The following PDSS2 variants were observed in gnomAD, a reference collection of about 807,000 sequenced individuals.
PDSS2 encodes decaprenyl diphosphate synthase subunit 2.
PDSS2 carries 31 observed loss-of-function variants against 44.5 expected under a neutral mutation model. The observed-to-expected ratio is 0.70, with a 90% CI of 0.52 to 0.94. The LOEUF (loss-of-function observed/expected upper bound fraction) is 0.94, where lower values mean the gene tolerates loss of function less well. PDSS2 is among the 40% of genes least tolerant of loss of function. The pLI, the probability that PDSS2 is intolerant of heterozygous loss-of-function variation, is 0.00. For missense variants in PDSS2, 452 were observed against 482.2 expected (o/e 0.94, Z 0.59); for synonymous variants, 157 against 180.3 (o/e 0.87, Z 1.03).
At position 107,319,007 on chromosome 6, in the gene PDSS2, T is replaced by TACAC. The variant is rs139943860; in HGVS notation, c.431+15187_431+15190dup. Among the ~76,000 whole-genome samples, 393 of 147,514 alleles carry TACAC rather than the reference T, an allele frequency of 2.7e-3. 2 individuals are homozygous for TACAC. Among genetic ancestry groups the TACAC allele is most frequent in the East Asian group, 0.01 (51 of 4,996 alleles). On this transcript the variant is annotated intron_variant, in intron 2 of 7. Transcript: ENST00000369037. ...TGTTAAAAAAGAAAATATATATATA[T>TACAC]ACACACACACACACACACATACACA...
intron 7 of PDSS2, among the ~76,000 whole-genome samples, chr6:107,177,058 A>G (rs1771815459): frequency 6.6e-6 from 1 of 151,918 alleles, no homozygotes; most frequent in African/African-American, 2.4e-5. Flanking sequence ...TAAATGAGAC[A>G]AAATGGACGA....
At position 107,459,190 on chromosome 6, in the gene PDSS2, G is replaced by A. The variant is rs774816904; in HGVS notation, c.96C>T (p.Ile32=). Residue 32 remains isoleucine, a synonymous_variant, in exon 1 of 8, where the codon ATC becomes ATT. Coordinates refer to ENST00000369037, the MANE Select transcript of PDSS2 (RefSeq NM_020381.4). This position sits in a 1 kb window ranked among gnomAD's most constrained non-coding sequence, Gnocchi z 4.3. ...RLWWSPSLDT[I]SSVGSWRGRS... is the part of the protein sequence containing the mutation. ...GACCACGCCAAGAGCCCACCGAGGAGATGGTGTCGAGGGACGGGGACCACC... is the reference window on the plus strand; with the variant it reads ...GACCACGCCAAGAGCCCACCGAGGAAATGGTGTCGAGGGACGGGGACCACC... The A allele has an allele frequency of 2.5e-6, 4 of 1,614,134 alleles. No homozygotes were observed. The South Asian group carries it at 4.4e-5, about 18-fold the overall frequency.
chr6:107,458,809 C>T (rs1413548444), intron 1 of PDSS2, among the ~76,000 whole-genome samples, 181 bp downstream of exon 1: 1 of 151,974 alleles, frequency 6.6e-6, no homozygotes, highest in Non-Finnish European at 1.5e-5. Context: ...CTCAGCTGAG[C>T]AAGAACGTTA....
At chr6:107,391,670 T>C (rs982715321) in intron 1 of PDSS2, among the ~76,000 whole-genome samples, 1 of 152,144 alleles carries the variant, frequency 6.6e-6, no homozygotes, top group African/African-American at 2.4e-5. Context: ...CAAACTAGAA[T>C]TACTGCCAAA....
At chr6:107,207,982 T>TTTTTTTTG (rs1773050683) in intron 6 of PDSS2, among the ~76,000 whole-genome samples, 1 of 96,504 alleles carries the variant, frequency 1.0e-5, no homozygotes, top group Non-Finnish European at 2.5e-5. Context: ...TGACTTGTTT[T>TTTTTTTTG]TTTTTTTTTT....
intron 4 of PDSS2, among the ~76,000 whole-genome samples, chr6:107,245,224 C>T (rs12206137): frequency 1.3e-5 from 2 of 152,100 alleles, no homozygotes; most frequent in African/African-American, 4.8e-5. Context: ...GCTCAGCTGC[C>T]TCAGCACGAG....
intron 1 of PDSS2, among the ~76,000 whole-genome samples, chr6:107,349,896 A>G (rs1421784360): frequency 6.6e-6 from 1 of 152,262 alleles, no homozygotes; most frequent in African/African-American, 2.4e-5. Context: ...AATGTCCTTT[A>G]TAACAAAAGG....
chr6:107,388,854 T>G (rs1014402838), intron 1 of PDSS2, among the ~76,000 whole-genome samples: 10 of 152,198 alleles, frequency 6.6e-5, no homozygotes, highest in Non-Finnish European at 1.2e-4. Context: ...TTGTGGTATA[T>G]CCATACAATG....
At chr6:107,200,813 C>T (rs1039325609) in intron 6 of PDSS2, among the ~76,000 whole-genome samples, 4 of 151,876 alleles carry the variant, frequency 2.6e-5, no homozygotes, top group African/African-American at 7.3e-5. Flanking sequence ...ATTATAGGTG[C>T]CCACCACCAT....
In PDSS2 at chr6:107,257,547, T is replaced by G. The variant is rs75261400; in HGVS notation, c.631-11928A>C. Among the ~76,000 whole-genome samples, 1,064 of 152,044 alleles carry G rather than the reference T, an allele frequency of 7.0e-3. 13 individuals are homozygous for G. The highest frequency in any genetic ancestry group is 0.024 in the African/African-American group (1,008 of 41,462). On this transcript the variant is annotated intron_variant, in intron 3 of 7. Transcript: ENST00000369037. The stretch of plus-strand genomic sequence containing the variant: ...GTGAGACTCTGTCTCATTAAAATAA[T>G]AATACAAATAAATAATAATAATGGA...
chr6:107,453,271 T>A (rs1562551761), intron 1 of PDSS2, among the ~76,000 whole-genome samples: 1 of 152,150 alleles, frequency 6.6e-6, no homozygotes, highest in Non-Finnish European at 1.5e-5. Flanking sequence ...GGCCGTGATA[T>A]TATCCTATGT....
intron 1 of PDSS2, among the ~76,000 whole-genome samples, chr6:107,389,302 A>C (rs1450676189): frequency 1.3e-5 from 2 of 152,200 alleles, no homozygotes; most frequent in African/African-American, 4.8e-5. Context: ...AACTATTATA[A>C]ATGTATGACA....
chr6:107,284,538 G>A lies in PDSS2; in HGVS notation c.432-10311C>T, dbSNP rs111917940. ...TAGCCTGGCGTGGTGGCAGGCGCCTGTAATCCCAGCTACTCAGGAGGCTGA... is the reference window on the plus strand; with the variant it reads ...TAGCCTGGCGTGGTGGCAGGCGCCTATAATCCCAGCTACTCAGGAGGCTGA... On this transcript the variant is annotated intron_variant, in intron 2 of 7. Coordinates refer to ENST00000369037, the MANE Select transcript of PDSS2 (RefSeq NM_020381.4). Among the ~76,000 whole-genome samples, 5 of 151,816 alleles carry A rather than the reference G, an allele frequency of 3.3e-5. No homozygotes were observed. In the East Asian group the frequency reaches 5.8e-4, roughly 18 times the overall value.
intron 7 of PDSS2, among the ~76,000 whole-genome samples, chr6:107,176,429 T>TACACACACACACACAC (rs71012784): frequency 3.7e-4 from 55 of 149,802 alleles, no homozygotes; most frequent in African/African-American, 1.2e-3. Context: ...CACACACACA[T>TACACACACACACACAC]ACACACACAC....
chr6:107,414,243 G>A (rs1156573508), intron 1 of PDSS2, among the ~76,000 whole-genome samples: 2 of 152,192 alleles, frequency 1.3e-5, no homozygotes, highest in African/African-American at 4.8e-5. Context: ...AGGTCAAAAT[G>A]CCACTGATTT....
At chr6:107,376,050 C>G (rs1273286867) in intron 1 of PDSS2, among the ~76,000 whole-genome samples, 1 of 152,070 alleles carries the variant, frequency 6.6e-6, no homozygotes, top group African/African-American at 2.4e-5. Context: ...TTTCTCAGGT[C>G]TGTCAAAGAT....
intron 1 of PDSS2, among the ~76,000 whole-genome samples, chr6:107,363,404 G>A (rs1778844770): frequency 6.6e-6 from 1 of 152,126 alleles, no homozygotes; most frequent in Admixed American, 6.6e-5. Context: ...CTTCCTTCTG[G>A]TGGGTTCGTG....
At chr6:107,238,928 T>A (rs1774322943) in intron 4 of PDSS2, among the ~76,000 whole-genome samples, 1 of 152,074 alleles carries the variant, frequency 6.6e-6, no homozygotes, top group Non-Finnish European at 1.5e-5. Context: ...AGTATGAAAT[T>A]GAGCAAAGTT....
intron 2 of PDSS2, among the ~76,000 whole-genome samples, chr6:107,277,781 C>T (rs1190134245): frequency 3.9e-5 from 6 of 151,944 alleles, no homozygotes; most frequent in African/African-American, 9.7e-5. Flanking sequence ...GGTGAAACCC[C>T]GTCTCTACTA....
Sources: allele counts gnomAD v4.1 joint callset (sites outside exome capture counted in the v4.1 genomes callset), GRCh38; gene constraint gnomAD v4.1.1; non-coding constraint Gnocchi (gnomAD v3.1); transcripts MANE v1.5; gene names NCBI Gene and HGNC (gene_info 2026-07-23, HGNC 2026-07-21).